The following RSRC1 variants were observed in gnomAD, a reference collection of about 807,000 sequenced individuals.
RSRC1 encodes the protein serine/Arginine-related protein 53.
A neutral mutation model predicts 49.1 loss-of-function variants in RSRC1; 39 were observed. The ratio of observed to expected loss-of-function variants is 0.79; its 90% CI spans 0.61 to 1.04. The LOEUF (loss-of-function observed/expected upper bound fraction) is 1.04, where lower values mean the gene tolerates loss of function less well. Ranked by LOEUF, RSRC1 falls within the 50% of genes least tolerant of loss-of-function variation. RSRC1 has a pLI of 0.00. For synonymous variants in RSRC1, 143 were observed against 130.8 expected, an observed-to-expected ratio of 1.09 and a Z score of -0.63; for missense variants, 388 against 402.4, an observed-to-expected ratio of 0.96 and a Z score of 0.31.
At chr3:158,543,645 C>T in intron 9 of RSRC1, 158 bp downstream of exon 9, 1 of 652,398 alleles carries the variant, frequency 1.5e-6, no homozygotes, top group Non-Finnish European at 2.5e-6. Context: ...GCCTTTAGAA[C>T]TGTTATCTAT....
At chr3:158,269,126 A>AT (rs1170233279) in intron 4 of RSRC1, among the ~76,000 whole-genome samples, 2 of 151,724 alleles carry the variant, frequency 1.3e-5, no homozygotes, top group Non-Finnish European at 2.9e-5. Context: ...TAGATCATTT[A>AT]TTTTTTTTCT....
At chr3:158,379,836 A>ACC (rs1553796326) in intron 6 of RSRC1, among the ~76,000 whole-genome samples, 1 of 143,860 alleles carries the variant, frequency 7.0e-6, no homozygotes, top group African/African-American at 2.6e-5. Context: ...ACACACACAC[A>ACC]CCCTCCCTCC....
chr3:158,267,096 A>G (rs1578263126), intron 4 of RSRC1, among the ~76,000 whole-genome samples: 1 of 152,216 alleles, frequency 6.6e-6, no homozygotes, highest in Non-Finnish European at 1.5e-5. Flanking sequence ...GATAGATTTT[A>G]CTGTCATTCA....
chr3:158,138,703 C>T (rs1282551947), intron 3 of RSRC1, among the ~76,000 whole-genome samples: 1 of 152,140 alleles, frequency 6.6e-6, no homozygotes, highest in Non-Finnish European at 1.5e-5. Flanking sequence ...TTATAACAAA[C>T]TATAGAAAAT....
chr3:158,245,836 G>C (rs571604139), intron 4 of RSRC1, among the ~76,000 whole-genome samples: 1 of 152,076 alleles, frequency 6.6e-6, no homozygotes, highest in Non-Finnish European at 1.5e-5. Context: ...TATGATCTTT[G>C]TTGGTTTAAA....
At chr3:158,126,196 A>C (rs1228524257) in intron 3 of RSRC1, among the ~76,000 whole-genome samples, 2 of 151,758 alleles carry the variant, frequency 1.3e-5, no homozygotes, top group African/African-American at 2.4e-5. Context: ...TTGTTTGGGG[A>C]GTTTAATCCA....
Position 158,420,753 on chromosome 3 carries a change from G to C in RSRC1, c.584-40182G>C, listed in dbSNP as rs1270273261. Among the ~76,000 whole-genome samples the C allele has an allele frequency of 7.9e-5, 12 of 151,862 alleles. No homozygotes were observed. The South Asian group carries it at 1.9e-3, about 24-fold the overall frequency. On this transcript the variant is annotated intron_variant, in intron 6 of 9. Coordinates refer to ENST00000611884, the MANE Select transcript of RSRC1 (RefSeq NM_001271838.2). Reference sequence around the variant, plus strand: ...TAAAGTACAATGGAAATGTCATTCAGAATAACAACAAAAATATAAAATAGC... The same window carrying C: ...TAAAGTACAATGGAAATGTCATTCACAATAACAACAAAAATATAAAATAGC...
chr3:158,364,239 C>T (rs1194596733), intron 6 of RSRC1, among the ~76,000 whole-genome samples: 4 of 152,162 alleles, frequency 2.6e-5, no homozygotes, highest in Non-Finnish European at 4.4e-5. Context: ...AGCTGCTCTG[C>T]TTTACCCTGA....
chr3:158,525,401 C>T (rs28872242), intron 7 of RSRC1, among the ~76,000 whole-genome samples: 30,356 of 151,708 alleles, frequency 0.2, 3,699 homozygotes, highest in African/African-American at 0.35. Context: ...TCTGATAACG[C>T]CAACTGTTGA....
intron 7 of RSRC1, among the ~76,000 whole-genome samples, chr3:158,535,170 T>C (rs1560078765): frequency 6.6e-6 from 1 of 151,400 alleles, no homozygotes; most frequent in South Asian, 2.1e-4. Context: ...CTTTAGAGCG[T>C]AGTATTTTAG....
At chr3:158,136,754 G>A (rs1483220613) in intron 3 of RSRC1, 1 of 152,170 alleles carries the variant, frequency 6.6e-6, no homozygotes, top group African/African-American at 2.4e-5. Context: ...GTTTTTCAAT[G>A]GGTGTGGAGA....
At chr3:158,404,019 A>G (rs932873318) in intron 6 of RSRC1, among the ~76,000 whole-genome samples, 3 of 151,914 alleles carry the variant, frequency 2.0e-5, no homozygotes, top group African/African-American at 7.2e-5. Context: ...TACAGAAAAT[A>G]TATTTGATAA....
intron 7 of RSRC1, among the ~76,000 whole-genome samples, chr3:158,491,672 G>A (rs115273078): frequency 0.016 from 2,419 of 152,280 alleles, 81 homozygotes; most frequent in African/African-American, 0.055. Flanking sequence ...TTATGGACAT[G>A]TGTTTGATTA....
chr3:158,424,682 G>T (rs1319961203), intron 6 of RSRC1, among the ~76,000 whole-genome samples: 1 of 151,968 alleles, frequency 6.6e-6, no homozygotes, highest in African/African-American at 2.4e-5. Context: ...ACCTCTGGTA[G>T]AATTCGGCTG....
rs1193627646 is a variant in RSRC1 at position 158,399,448 on chromosome 3, G to A, written c.583+44540G>A. Among the ~76,000 whole-genome samples, 13 of 35,782 alleles carry A rather than the reference G, an allele frequency of 3.6e-4. 5 individuals carry two copies. In the South Asian group the frequency reaches 0.011, roughly 31 times the overall value. The allele number at this position is 35,782 out of a possible 152,430, so 23.5% of individuals were successfully genotyped here. On this transcript the variant is annotated intron_variant, in intron 6 of 9. Coordinates refer to ENST00000611884, the MANE Select transcript of RSRC1 (RefSeq NM_001271838.2). ...TGGGATTACAGGCGTGAGCCACCGCGCCCGGCCCTATTATTTCCTTTTTAA... is the reference window on the plus strand; with the variant it reads ...TGGGATTACAGGCGTGAGCCACCGCACCCGGCCCTATTATTTCCTTTTTAA...
chr3:158,398,149 A>C (rs1041900344), intron 6 of RSRC1, among the ~76,000 whole-genome samples: 2 of 152,156 alleles, frequency 1.3e-5, no homozygotes, highest in East Asian at 3.9e-4. Context: ...GGCTCAGGGC[A>C]GCATGAATCT....
At chr3:158,507,141 CAGAA>C (rs1395811441) in intron 7 of RSRC1, among the ~76,000 whole-genome samples, 7 of 151,954 alleles carry the variant, frequency 4.6e-5, no homozygotes, top group Admixed American at 4.6e-4. Context: ...AAGCCAAACA[CAGAA>C]AGACAAATAT....
chr3:158,493,022 T>C (rs1739151189), intron 7 of RSRC1, among the ~76,000 whole-genome samples: 1 of 152,176 alleles, frequency 6.6e-6, no homozygotes. Context: ...AGAAAAGTGC[T>C]CTATAACGAC....
chr3:158,150,955 C>T (rs1717493674), intron 3 of RSRC1, among the ~76,000 whole-genome samples: 1 of 152,118 alleles, frequency 6.6e-6, no homozygotes, highest in Admixed American at 6.6e-5. Flanking sequence ...TTTGCCATTA[C>T]TTCAGTGAGG....
Sources: allele counts gnomAD v4.1 joint callset (sites outside exome capture counted in the v4.1 genomes callset), GRCh38; gene constraint gnomAD v4.1.1; transcripts MANE v1.5; gene names NCBI Gene and HGNC (gene_info 2026-07-23, HGNC 2026-07-21).